Variants in FMNL2 observed in about 807,000 individuals in gnomAD.
The protein encoded by FMNL2 is formin-like protein 2.
In FMNL2, 51 loss-of-function variants were observed where a neutral mutation model predicts 130.2. That is an observed-to-expected ratio of 0.39 (90% confidence interval 0.31 to 0.49). FMNL2 has a LOEUF of 0.49. FMNL2 is among the 20% of genes least tolerant of loss of function. FMNL2 has a pLI of 0.85. For synonymous variants in FMNL2, 465 were observed against 467.1 expected, an observed-to-expected ratio of 1.00 and a Z score of 0.06; for missense variants, 977 against 1,316.2, an observed-to-expected ratio of 0.74 and a Z score of 3.99.
intron 2 of FMNL2, among the ~76,000 whole-genome samples, chr2:152,530,727 T>C (rs1176374980): frequency 2.6e-5 from 4 of 152,214 alleles, no homozygotes; most frequent in Non-Finnish European, 5.9e-5. Flanking sequence ...TACAGTGTTC[T>C]TGATGAACTT....
intron 9 of FMNL2, among the ~76,000 whole-genome samples, chr2:152,581,430 C>T (rs1181137426): frequency 6.6e-6 from 1 of 152,102 alleles, no homozygotes; most frequent in Non-Finnish European, 1.5e-5. Context: ...TTTATTTTTG[C>T]TGGATGCTAT....
rs548562797 is a variant in FMNL2 at position 152,644,856 on chromosome 2, C to G, written c.3170-2940C>G. The stretch of plus-strand genomic sequence containing the variant: ...GGGGGGAAAAAAGGGTCAAACTTTT[C>G]AAAGTAACCTCCTGGGCACAGTTTT... On this transcript the variant is annotated intron_variant, in intron 25 of 25. Transcript: ENST00000288670. 6.8e-4 allele frequency among the ~76,000 whole-genome samples: 103 copies of G among 152,258 alleles called. 1 individual carries two copies. The highest frequency in any genetic ancestry group is 2.5e-3 in the South Asian group (12 of 4,828).
At chr2:152,492,274 A>AG (rs1335097715) in intron 1 of FMNL2, among the ~76,000 whole-genome samples, 1 of 152,160 alleles carries the variant, frequency 6.6e-6, no homozygotes, top group African/African-American at 2.4e-5. Context: ...TATCTCCAAA[A>AG]GCAACTGGAA....
At chr2:152,558,626 C>A in intron 4 of FMNL2, 114 bp from the exon 5 acceptor site, 2 of 904,790 alleles carry the variant, frequency 2.2e-6, no homozygotes, top group Non-Finnish European at 1.7e-6. Flanking sequence ...TCCCTATGTC[C>A]TTTCAGGCAA....
chr2:152,643,289 C>T, intron 25 of FMNL2: 4 of 1,295,788 alleles, frequency 3.1e-6, no homozygotes, highest in Non-Finnish European at 1.1e-6. Flanking sequence ...TGCCTTCCCC[C>T]TTTCCTGCCC....
At chr2:152,557,313 A>G (rs753280361) in intron 4 of FMNL2, among the ~76,000 whole-genome samples, 1 of 152,184 alleles carries the variant, frequency 6.6e-6, no homozygotes, top group African/African-American at 2.4e-5. Context: ...GAGGCCTACC[A>G]GGTGGTATTT....
At chr2:152,631,130 AATCC>A (rs1351242946) in intron 20 of FMNL2, among the ~76,000 whole-genome samples, 1 of 152,196 alleles carries the variant, frequency 6.6e-6, no homozygotes, top group Non-Finnish European at 1.5e-5. Flanking sequence ...TCACACCTGT[AATCC>A]CAGCACTTTG....
intron 2 of FMNL2, among the ~76,000 whole-genome samples, chr2:152,524,289 A>G (rs986154942): frequency 3.9e-5 from 6 of 152,222 alleles, no homozygotes; most frequent in African/African-American, 7.2e-5. Flanking sequence ...TATAGTAACA[A>G]TATTGCAGAA....
chr2:152,523,416 A>G (rs1256436506), intron 2 of FMNL2, among the ~76,000 whole-genome samples: 1 of 152,168 alleles, frequency 6.6e-6, no homozygotes, highest in East Asian at 1.9e-4. Flanking sequence ...AACCTCATCC[A>G]TGGCTTCATC....
Position 152,335,754 on chromosome 2 carries a change from C to T in FMNL2, c.117+34C>T, listed in dbSNP as rs1681371990. 2.7e-6 allele frequency: 4 copies of T among 1,490,558 alleles called. No homozygotes were observed. In the South Asian group the frequency reaches 5.0e-5, roughly 19 times the overall value. 92.3% of individuals were successfully genotyped at this position (1,490,558 alleles called of 1,614,324 possible). The stretch of plus-strand genomic sequence containing the variant: ...GCGGCGGCGGTCGGGCGCGGGGACC[C>T]GGGGCCCCGGGCCGGGCGGCGCAGC... On this transcript the variant is annotated intron_variant, in intron 1 of 25. Coordinates refer to ENST00000288670, the MANE Select transcript of FMNL2 (RefSeq NM_052905.4).
rs139668840 is a variant in FMNL2, at chr2:152,586,191, C to T, written c.876+5142C>T. Among the ~76,000 whole-genome samples the T allele has an allele frequency of 5.9e-5, 9 of 152,318 alleles. No individual in the cohort carries two copies. In the East Asian group the frequency reaches 1.2e-3, roughly 20 times the overall value. ...TTGGTTATTAAAGGCTCAACTCCCT[C>T]CCACTTTTGACCTTCCAGTACAGAA... On this transcript the variant is annotated intron_variant, in intron 9 of 25. Transcript: ENST00000288670.
chr2:152,575,233 A>G lies in FMNL2; in HGVS notation c.694A>G (p.Met232Val). The change falls in exon 7 of 26, where the codon ATG becomes GTG. Residue 232 changes from methionine to valine, a missense_variant. By Grantham distance (21) the Met-to-Val change is conservative. This residue lies in a region of FMNL2 where 689 missense variants were observed against 995.9 expected (regional missense o/e 0.69). Coordinates refer to ENST00000288670, the MANE Select transcript of FMNL2 (RefSeq NM_052905.4). ...CTGTATCATGTGTTTACGTGCCATC[A>G]TGAATTATCAGGTATGTTGGAGCTT... ...HVCIMCLRAI[M>V]NYQYGFNMVM... 1.3e-6 allele frequency: 2 copies of G among 1,590,650 alleles called. No homozygotes were observed. The highest frequency in any genetic ancestry group is 8.6e-7 in the Non-Finnish European group (1 of 1,165,694).
chr2:152,365,751 C>T (rs879854092), intron 1 of FMNL2, among the ~76,000 whole-genome samples: 4 of 151,868 alleles, frequency 2.6e-5, no homozygotes, highest in African/African-American at 7.3e-5. Context: ...CCAGCCTGGG[C>T]GACAGAGCAA....
intron 1 of FMNL2, among the ~76,000 whole-genome samples, chr2:152,418,841 T>A (rs1686755764): frequency 6.6e-6 from 1 of 152,190 alleles, no homozygotes; most frequent in Non-Finnish European, 1.5e-5. Flanking sequence ...AGTTGCTGAA[T>A]CATATGGTAA....
At position 152,622,459 on chromosome 2, in the gene FMNL2, G is replaced by A. The variant is rs868270055; in HGVS notation, c.1837+2741G>A. The A allele has an allele frequency of 2.4e-5, 11 of 456,642 alleles. No individual in the cohort carries two copies. The Middle Eastern group carries it at 1.3e-3, about 54-fold the overall frequency. The allele number at this position is 456,642 out of a possible 1,614,324, so 28.3% of individuals were successfully genotyped here. A position where few individuals can be genotyped will look rare whatever the true frequency, so the allele number is the denominator to read the frequency against. On this transcript the variant is annotated intron_variant, in intron 15 of 25. Transcript: ENST00000288670. ...AAGCATGAAATTCTATGCTGAGTGC[G>A]TGAACTGCTGAGCCACTTGACTCTA...
At chr2:152,439,452 G>A (rs1265217231) in intron 1 of FMNL2, among the ~76,000 whole-genome samples, 3 of 151,952 alleles carry the variant, frequency 2.0e-5, no homozygotes, top group African/African-American at 7.3e-5. Flanking sequence ...TTTAAGTAAT[G>A]GATATATGGT....
chr2:152,606,028 T>C (rs1461773930), intron 9 of FMNL2, among the ~76,000 whole-genome samples: 1 of 152,252 alleles, frequency 6.6e-6, no homozygotes, highest in Non-Finnish European at 1.5e-5. Context: ...TAAGCATTGA[T>C]GTAGATGCTA....
intron 1 of FMNL2, among the ~76,000 whole-genome samples, chr2:152,433,859 G>A (rs573022783): frequency 1.1e-3 from 165 of 152,300 alleles, no homozygotes; most frequent in African/African-American, 3.9e-3. Flanking sequence ...AGACAGCAGT[G>A]GGGGAAAATC....
intron 1 of FMNL2, among the ~76,000 whole-genome samples, chr2:152,432,808 G>C (rs1687567093): frequency 6.6e-6 from 1 of 152,202 alleles, no homozygotes; most frequent in African/African-American, 2.4e-5. Context: ...TGATAGTCCT[G>C]CAGTGTAGGA....
Sources: allele counts gnomAD v4.1 joint callset (sites outside exome capture counted in the v4.1 genomes callset), GRCh38; gene constraint gnomAD v4.1.1; regional missense constraint gnomAD v4.1.1; transcripts MANE v1.5; gene names NCBI Gene and HGNC (gene_info 2026-07-23, HGNC 2026-07-21).